Variants in IL1RAPL2 observed in about 807,000 individuals in gnomAD.
The protein encoded by IL1RAPL2 is X-linked interleukin-1 receptor accessory protein-like 2.
In IL1RAPL2, 3 loss-of-function variants were observed where a neutral mutation model predicts 44.1. The observed-to-expected ratio is 0.07, with a 90% CI of 0.03 to 0.18. The LOEUF is 0.18. Ranked by LOEUF, IL1RAPL2 falls within the 10% of genes least tolerant of loss-of-function variation. The probability of loss-of-function intolerance (pLI) is 1.00; values close to 1 mark genes in which losing one functional copy is unlikely to be tolerated. For synonymous variants in IL1RAPL2, 181 were observed against 178.8 expected, an observed-to-expected ratio of 1.01 and a Z score of -0.10; for missense variants, 391 against 496.4, an observed-to-expected ratio of 0.79 and a Z score of 2.02.
chrX:104,973,174 AG>A (rs1020110146), intron 2 of IL1RAPL2, among the ~76,000 whole-genome samples: 1 of 111,575 alleles, frequency 9.0e-6, no homozygotes, highest in African/African-American at 3.3e-5. Flanking sequence ...TAAATTTTAA[AG>A]GGGGCATAGT....
At chrX:104,955,123 T>A (rs1173568154) in intron 2 of IL1RAPL2, among the ~76,000 whole-genome samples, 1 of 112,043 alleles carries the variant, frequency 8.9e-6, no homozygotes, top group Non-Finnish European at 1.9e-5. Flanking sequence ...TAGGCATGTC[T>A]TGTAGAGAGG....
rs563456946 is a variant in IL1RAPL2 at position 105,233,141 on chromosome X, G to A, written c.357-677G>A. On this transcript the variant is annotated intron_variant, in intron 3 of 10. Coordinates refer to ENST00000372582, the MANE Select transcript of IL1RAPL2 (RefSeq NM_017416.2). ...TACTAAAAATACAAAAAAATTAGCC[G>A]GGCGTGGTGGCGGGTGCCTGTAGTT... Among the ~76,000 whole-genome samples, 17 of 111,267 alleles carry A rather than the reference G, an allele frequency of 1.5e-4. No individual in the cohort carries two copies. The South Asian group carries it at 4.6e-3, about 30-fold the overall frequency.
At chrX:104,730,520 A>G (rs1393642558) in intron 2 of IL1RAPL2, among the ~76,000 whole-genome samples, 2 of 105,016 alleles carry the variant, frequency 1.9e-5, no homozygotes, top group African/African-American at 6.8e-5. Flanking sequence ...ACGATTTCCA[A>G]TTTCATCCAT....
At chrX:105,194,215 T>A (rs1176231941) in intron 2 of IL1RAPL2, among the ~76,000 whole-genome samples, 1 of 111,906 alleles carries the variant, frequency 8.9e-6, no homozygotes, top group Non-Finnish European at 1.9e-5. Flanking sequence ...AACATTGCAT[T>A]TAGCTCTGAG....
rs967818091 is a variant in IL1RAPL2 at position 104,890,845 on chromosome X, C to T, written c.82+231850C>T. On this transcript the variant is annotated intron_variant, in intron 2 of 10. Transcript: ENST00000372582. ...ATTTTGTCTTTTGTTGCCATTGCTT[C>T]TGGTGTTTTAGACATGAAGTCCTTG... 1.5e-3 allele frequency among the ~76,000 whole-genome samples: 166 copies of T among 111,604 alleles called. 1 individual carries two copies. Among genetic ancestry groups the T allele is most frequent in the African/African-American group, 4.8e-3 (147 of 30,790 alleles).
chrX:105,259,588 G>A (rs968314548), intron 4 of IL1RAPL2, among the ~76,000 whole-genome samples: 1 of 111,638 alleles, frequency 9.0e-6, no homozygotes, highest in Non-Finnish European at 1.9e-5. Context: ...GGCCTGTGCT[G>A]TGGGTCCAAG....
At chrX:105,620,214 T>C (rs1214619409) in intron 6 of IL1RAPL2, among the ~76,000 whole-genome samples, 2 of 111,751 alleles carry the variant, frequency 1.8e-5, no homozygotes, top group African/African-American at 6.5e-5. Context: ...GTTCCTACTA[T>C]GTGCTAAGGA....
intron 2 of IL1RAPL2, among the ~76,000 whole-genome samples, chrX:105,011,765 C>A (rs2031052057): frequency 1.8e-5 from 2 of 110,680 alleles, no homozygotes; most frequent in Admixed American, 9.7e-5. Context: ...CTGCTATGAA[C>A]ATTTGTGTGC....
chrX:104,637,511 GT>G (rs941213890), intron 1 of IL1RAPL2, among the ~76,000 whole-genome samples: 151 of 102,070 alleles, frequency 1.5e-3, no homozygotes, highest in Middle Eastern at 0.01. Flanking sequence ...TTTGTTGAGA[GT>G]TTTTTTTTTT....
intron 2 of IL1RAPL2, among the ~76,000 whole-genome samples, chrX:104,956,809 T>G (rs1173979874): frequency 9.0e-6 from 1 of 111,429 alleles, no homozygotes; most frequent in Non-Finnish European, 1.9e-5. Flanking sequence ...AGAGCAGTTC[T>G]GGTTTTCTCT....
At chrX:105,626,140 C>T (rs1218858875) in intron 6 of IL1RAPL2, among the ~76,000 whole-genome samples, 2 of 111,449 alleles carry the variant, frequency 1.8e-5, no homozygotes, top group Non-Finnish European at 3.8e-5. Flanking sequence ...ATAGGAGGAA[C>T]CTGACATAAG....
intron 5 of IL1RAPL2, among the ~76,000 whole-genome samples, chrX:105,407,889 C>A (rs997790568): frequency 8.9e-6 from 1 of 111,958 alleles, no homozygotes; most frequent in Non-Finnish European, 1.9e-5. Context: ...TTAGTTTTCT[C>A]ATACAATCAT....
At chrX:104,948,140 G>C (rs1418394428) in intron 2 of IL1RAPL2, among the ~76,000 whole-genome samples, 23 of 106,850 alleles carry the variant, frequency 2.2e-4, no homozygotes, top group African/African-American at 7.1e-4. Flanking sequence ...CACATCCCTT[G>C]TAAGTTGGAT....
At chrX:104,875,173 G>T (rs1011932299) in intron 2 of IL1RAPL2, among the ~76,000 whole-genome samples, 1 of 111,782 alleles carries the variant, frequency 8.9e-6, no homozygotes. Flanking sequence ...CATGAAGCCT[G>T]CCCTGGCAAT....
chrX:105,278,972 T>C (rs1281202815), intron 5 of IL1RAPL2, among the ~76,000 whole-genome samples: 1 of 111,445 alleles, frequency 9.0e-6, no homozygotes, highest in East Asian at 2.8e-4. Flanking sequence ...CAGACTAACC[T>C]CATCTTATAA....
At chrX:105,267,300 C>A in intron 4 of IL1RAPL2, 88 bp from the exon 5 acceptor site, 5 of 850,771 alleles carry the variant, frequency 5.9e-6, no homozygotes, top group Non-Finnish European at 8.4e-6. Context: ...GAGAATAATA[C>A]AAAAAAGTAA....
chrX:104,585,795 T>C (rs1218723567), intron 1 of IL1RAPL2, among the ~76,000 whole-genome samples: 2 of 111,075 alleles, frequency 1.8e-5, no homozygotes, highest in African/African-American at 3.3e-5. Flanking sequence ...TATGGCTGCA[T>C]AGTATTCCAT....
chrX:105,510,607 C>T (rs2036462489), intron 6 of IL1RAPL2, among the ~76,000 whole-genome samples: 1 of 111,361 alleles, frequency 9.0e-6, no homozygotes, highest in Admixed American at 9.6e-5. Flanking sequence ...CTGGAATTAC[C>T]TTGTGTTATC....
chrX:104,568,721 G>C, intron 1 of IL1RAPL2, among the ~76,000 whole-genome samples: 1 of 111,550 alleles, frequency 9.0e-6, no homozygotes, highest in South Asian at 3.8e-4. Flanking sequence ...ATAGCAATTG[G>C]GCAACTACCC....
Sources: allele counts gnomAD v4.1 joint callset (sites outside exome capture counted in the v4.1 genomes callset), GRCh38; gene constraint gnomAD v4.1.1; transcripts MANE v1.5; gene names NCBI Gene and HGNC (gene_info 2026-07-23, HGNC 2026-07-21).